The following WDR17 variants were observed in gnomAD, a reference collection of about 807,000 sequenced individuals.
The protein encoded by WDR17 is WD repeat domain 17.
A neutral mutation model predicts 161.7 loss-of-function variants in WDR17; 143 were observed. The observed-to-expected ratio is 0.88, with a 90% confidence interval of 0.77 to 1.02. WDR17 has a LOEUF of 1.02. Ranked by LOEUF, WDR17 falls within the 50% of genes least tolerant of loss-of-function variation. The pLI is 0.00. For missense variants in WDR17, 1,469 were observed against 1,520.9 expected (o/e 0.97, Z 0.57); for synonymous variants, 517 against 515.6 (o/e 1.00, Z -0.04).
chr4:176,084,593 C>T (rs538539932), intron 1 of WDR17, among the ~76,000 whole-genome samples: 13 of 151,680 alleles, frequency 8.6e-5, no homozygotes, highest in Admixed American at 4.0e-4. Flanking sequence ...CAATGTTTTC[C>T]CTTGTGATTG....
chr4:176,097,742 TACACACAC>T (rs35130339), intron 1 of WDR17, among the ~76,000 whole-genome samples: 9 of 143,144 alleles, frequency 6.3e-5, no homozygotes, highest in South Asian at 2.2e-4. Flanking sequence ...CACACACACA[TACACACAC>T]ACACACACAC....
At chr4:176,148,626 C>T (rs573688986) in intron 13 of WDR17, among the ~76,000 whole-genome samples, 1 of 152,166 alleles carries the variant, frequency 6.6e-6, no homozygotes, top group Non-Finnish European at 1.5e-5. Context: ...ACACAATGCA[C>T]ACATATTGCG....
chr4:176,136,709 C>T (rs1193400246), intron 8 of WDR17, among the ~76,000 whole-genome samples: 1 of 150,626 alleles, frequency 6.6e-6, no homozygotes, highest in East Asian at 1.9e-4. Flanking sequence ...GTGTAGATAC[C>T]AGACGAAAAG....
At chr4:176,110,810 T>C (rs963542022) in intron 1 of WDR17, among the ~76,000 whole-genome samples, 3 of 152,194 alleles carry the variant, frequency 2.0e-5, no homozygotes, top group African/African-American at 7.2e-5. Flanking sequence ...TCACACTCTA[T>C]GTGTGGTGCA....
At chr4:176,169,578 A>G (rs916006338) in intron 23 of WDR17, among the ~76,000 whole-genome samples, 3 of 152,238 alleles carry the variant, frequency 2.0e-5, no homozygotes, top group Admixed American at 1.3e-4. Flanking sequence ...ATGATAAGAT[A>G]TAAGTACAAT....
chr4:176,140,685 T>C (rs958621140), intron 10 of WDR17, among the ~76,000 whole-genome samples: 1 of 152,164 alleles, frequency 6.6e-6, no homozygotes, highest in Admixed American at 6.5e-5. Context: ...ACAGAAGTTG[T>C]TAGGTTTTGC....
At position 176,151,847 on chromosome 4, in the gene WDR17, T is replaced by C. The variant is rs1215596846; in HGVS notation, c.2340T>C (p.Ser780=). The change falls in exon 17 of 29, where the codon TCT becomes TCC. Residue 780 remains serine, a synonymous_variant. Coordinates refer to ENST00000508596, the MANE Select transcript of WDR17 (RefSeq NM_181265.4). ...EAQELTTVKM[S]KFGGGIGVPA... ...AAGAACTAACAACAGTCAAGATGTC[T>C]AAATTTGGTGGTGGTATTGGTGTAC... is the stretch of plus-strand genomic sequence containing the variant. 3 of 1,606,114 alleles carry C rather than the reference T, an allele frequency of 1.9e-6. No individual in the cohort carries two copies. The African/African-American group carries it at 4.0e-5, about 22-fold the overall frequency.
At chr4:176,152,063 C>A in intron 17 of WDR17, 96 bp downstream of exon 17, 2 of 1,310,272 alleles carry the variant, frequency 1.5e-6, no homozygotes, top group Non-Finnish European at 2.1e-6. Flanking sequence ...AAAAGCTCAG[C>A]ACTTTGGAGG....
intron 23 of WDR17, among the ~76,000 whole-genome samples, chr4:176,171,882 G>C (rs945997586): frequency 6.6e-6 from 1 of 152,022 alleles, no homozygotes; most frequent in African/African-American, 2.4e-5. Flanking sequence ...AAAACTTTTA[G>C]AGCTTCTACA....
At chr4:176,116,979 G>A (rs1047430220) in intron 3 of WDR17, among the ~76,000 whole-genome samples, 1 of 151,816 alleles carries the variant, frequency 6.6e-6, no homozygotes, top group African/African-American at 2.4e-5. Flanking sequence ...TCAACTAGAA[G>A]TATATGGATC....
chr4:176,125,166 C>A lies in WDR17; in HGVS notation c.601C>A (p.Pro201Thr). ...ESLEGTDEEDPVTALEWDPLS... is the reference protein window; with the variant it reads ...ESLEGTDEEDTVTALEWDPLS... Reference sequence around the variant, plus strand: ...TCTTGAAGGGACAGATGAAGAGGATCCAGTTACGGCCTTGGAATGGGACCC... The same window carrying A: ...TCTTGAAGGGACAGATGAAGAGGATACAGTTACGGCCTTGGAATGGGACCC... Residue 201 changes from proline (P) to threonine (T), a missense_variant, in exon 5 of 29, where the codon CCA (proline) becomes ACA (threonine). By Grantham distance (38) the Pro-to-Thr change is conservative (BLOSUM62 -1). Coordinates refer to ENST00000508596, the MANE Select transcript of WDR17 (RefSeq NM_181265.4). 1 of 1,614,134 alleles carries A rather than the reference C, an allele frequency of 6.2e-7. No homozygotes were observed. Among genetic ancestry groups the A allele is most frequent in the Non-Finnish European group, 8.5e-7 (1 of 1,179,994 alleles).
Position 176,102,414 on chromosome 4 carries a change from A to G in WDR17, c.-6-9161A>G, listed in dbSNP as rs528047382. On this transcript the variant is annotated intron_variant, in intron 1 of 28. Coordinates refer to ENST00000508596, the MANE Select transcript of WDR17 (RefSeq NM_181265.4). Reference sequence around the variant, plus strand: ...CTGATGGGAATACAAAATGACACAGATCTTATGGAAGACAGTTTGATGGGT... The same window carrying G: ...CTGATGGGAATACAAAATGACACAGGTCTTATGGAAGACAGTTTGATGGGT... 2.0e-5 allele frequency among the ~76,000 whole-genome samples: 3 copies of G among 152,346 alleles called. No individual in the cohort carries two copies. The East Asian group carries it at 5.8e-4, about 29-fold the overall frequency.
intron 6 of WDR17, among the ~76,000 whole-genome samples, chr4:176,131,342 A>G (rs1187377474): frequency 2.0e-5 from 3 of 152,104 alleles, no homozygotes; most frequent in Non-Finnish European, 2.9e-5. Context: ...ATTTTCATCT[A>G]TTTGCTCCAT....
At chr4:176,170,876 T>G (rs772141583) in intron 23 of WDR17, among the ~76,000 whole-genome samples, 8 of 152,212 alleles carry the variant, frequency 5.3e-5, no homozygotes, top group Non-Finnish European at 1.2e-4. Flanking sequence ...AATGGGTAAA[T>G]CTATCATAAG....
In WDR17 at chr4:176,178,464, A is replaced by G. The variant is rs139543309; in HGVS notation, c.3732+810A>G. ...TTCAGGTTTCTTTCCTCCTTTTCTT[A>G]AGGTTTCTTTTCTCCATCTGACCTT... On this transcript the variant is annotated intron_variant, in intron 28 of 28. Transcript: ENST00000508596. Among the ~76,000 whole-genome samples, 556 of 152,148 alleles carry G rather than the reference A, an allele frequency of 3.7e-3. 3 individuals carry two copies. Among genetic ancestry groups the G allele is most frequent in the African/African-American group, 0.013 (529 of 41,502 alleles).
intron 18 of WDR17, 24 bp downstream of exon 18, chr4:176,156,167 A>G (rs1292333793): frequency 7.5e-6 from 12 of 1,602,444 alleles, no homozygotes; most frequent in Non-Finnish European, 9.4e-6. Flanking sequence ...AGTCCGTGTT[A>G]AAACAGATGT....
intron 17 of WDR17, among the ~76,000 whole-genome samples, chr4:176,152,763 C>T (rs187985036): frequency 1.4e-3 from 207 of 151,090 alleles, no homozygotes; most frequent in Admixed American, 2.5e-3. Flanking sequence ...GGAGAAACCC[C>T]GCCTCTTCTA....
chr4:176,088,211 CTTTA>C (rs1482179454), intron 1 of WDR17, among the ~76,000 whole-genome samples: 1 of 151,996 alleles, frequency 6.6e-6, no homozygotes, highest in African/African-American at 2.4e-5. Flanking sequence ...AACTATTTTA[CTTTA>C]TTTGTTACTG....
At chr4:176,091,297 C>G (rs1233928162) in intron 1 of WDR17, among the ~76,000 whole-genome samples, 2 of 152,108 alleles carry the variant, frequency 1.3e-5, no homozygotes, top group Non-Finnish European at 2.9e-5. Context: ...TATGAAATAT[C>G]TTTTCTGGTC....
Sources: allele counts gnomAD v4.1 joint callset (sites outside exome capture counted in the v4.1 genomes callset), GRCh38; gene constraint gnomAD v4.1.1; transcripts MANE v1.5; gene names NCBI Gene and HGNC (gene_info 2026-07-23, HGNC 2026-07-21).